Variants in NRG1 observed in about 807,000 individuals in gnomAD.
NRG1 encodes the protein neuregulin 1, also known as pro-neuregulin-1, membrane-bound isoform.
A neutral mutation model predicts 63.8 loss-of-function variants in NRG1; 18 were observed. The observed-to-expected ratio is 0.28, with a 90% CI of 0.19 to 0.42. The LOEUF (loss-of-function observed/expected upper bound fraction) is 0.42. Among genes scored for constraint, NRG1 ranks in the 10% least tolerant of loss-of-function variants. The pLI is 1.00. For missense variants in NRG1, 762 were observed against 814.7 expected (o/e 0.94, Z 0.79); for synonymous variants, 302 against 301.3 (o/e 1.00, Z -0.02).
At chr8:32,037,554 C>T (rs368780697) in intron 1 of NRG1, among the ~76,000 whole-genome samples, 18 of 152,280 alleles carry the variant, frequency 1.2e-4, no homozygotes, top group East Asian at 3.9e-4. Flanking sequence ...TTCACGATAC[C>T]GCAGCCGCCC....
At chr8:32,071,303 A>G (rs533594157) in intron 1 of NRG1, among the ~76,000 whole-genome samples, 1 of 152,342 alleles carries the variant, frequency 6.6e-6, no homozygotes, top group East Asian at 1.9e-4. Context: ...ATAATTGCAG[A>G]TTACATGATT....
chr8:32,052,124 G>A (rs1202311004), intron 1 of NRG1, among the ~76,000 whole-genome samples: 1 of 152,108 alleles, frequency 6.6e-6, no homozygotes. Flanking sequence ...AGCAGAGTCA[G>A]TAGTAAGATA....
At chr8:32,316,979 A>G (rs999885530) in intron 1 of NRG1, among the ~76,000 whole-genome samples, 1 of 152,162 alleles carries the variant, frequency 6.6e-6, no homozygotes, top group African/African-American at 2.4e-5. Context: ...CAATGAATAG[A>G]GTGGTAAGGT....
At chr8:32,285,674 A>C (rs1853433846) in intron 1 of NRG1, among the ~76,000 whole-genome samples, 1 of 152,088 alleles carries the variant, frequency 6.6e-6, no homozygotes, top group Non-Finnish European at 1.5e-5. Context: ...TTTTTGTTTC[A>C]TGTGTGTTCT....
At chr8:31,770,608 G>A (rs1356872303) in intron 1 of NRG1, among the ~76,000 whole-genome samples, 3 of 151,194 alleles carry the variant, frequency 2.0e-5, no homozygotes, top group Non-Finnish European at 4.4e-5. Context: ...CACACACCGG[G>A]GCCTGTTGTG....
chr8:32,759,326 C>G (rs1173898977), exon 10 of NRG1: 4 of 1,613,550 alleles, frequency 2.5e-6, no homozygotes, highest in Admixed American at 1.7e-5. Flanking sequence ...CTAAAAACGT[C>G]ATCTCCAGTG....
chr8:32,608,422 T>C (rs13264719), intron 3 of NRG1, among the ~76,000 whole-genome samples: 1 of 152,128 alleles, frequency 6.6e-6, no homozygotes, highest in Non-Finnish European at 1.5e-5. Flanking sequence ...TTGCCCACTG[T>C]GGAACTCCTG....
chr8:32,142,363 C>A (rs1395610912), intron 1 of NRG1, among the ~76,000 whole-genome samples: 1 of 152,166 alleles, frequency 6.6e-6, no homozygotes, highest in Admixed American at 6.5e-5. Flanking sequence ...CTTTGCTATG[C>A]TGATTTTTAG....
At chr8:32,174,842 A>G (rs1840513887) in intron 1 of NRG1, among the ~76,000 whole-genome samples, 1 of 152,208 alleles carries the variant, frequency 6.6e-6, no homozygotes, top group Non-Finnish European at 1.5e-5. Flanking sequence ...AATAATTAAT[A>G]GCTTACCAAC....
At chr8:32,361,059 C>A (rs1807136725) in intron 1 of NRG1, among the ~76,000 whole-genome samples, 1 of 152,154 alleles carries the variant, frequency 6.6e-6, no homozygotes, top group Non-Finnish European at 1.5e-5. Flanking sequence ...TCCCCTTATT[C>A]ATACGATAGA....
intron 5 of NRG1, among the ~76,000 whole-genome samples, chr8:32,716,747 T>C (rs911285508): frequency 1.3e-5 from 2 of 152,100 alleles, no homozygotes; most frequent in African/African-American, 4.8e-5. Flanking sequence ...ATAACCAAGA[T>C]GATTTCCATT....
intron 1 of NRG1, among the ~76,000 whole-genome samples, chr8:32,443,448 T>C (rs778072527): frequency 1.4e-5 from 2 of 143,270 alleles, no homozygotes; most frequent in Non-Finnish European, 2.9e-5. Context: ...GATTTTGACA[T>C]GCAAAAAGAT....
intron 1 of NRG1, among the ~76,000 whole-genome samples, chr8:31,674,422 T>G (rs1807469579): frequency 6.6e-6 from 1 of 152,206 alleles, no homozygotes; most frequent in Non-Finnish European, 1.5e-5. Flanking sequence ...TACAAGTCCC[T>G]TATTGGATAT....
intron 1 of NRG1, among the ~76,000 whole-genome samples, chr8:31,928,465 T>TC (rs1458991670): frequency 6.7e-6 from 1 of 148,752 alleles, no homozygotes; most frequent in Non-Finnish European, 1.5e-5. Flanking sequence ...TAAAGACAGA[T>TC]CAACCATTCT....
chr8:32,354,919 T>C (rs990751317), intron 1 of NRG1, among the ~76,000 whole-genome samples: 1 of 151,108 alleles, frequency 6.6e-6, no homozygotes, highest in African/African-American at 2.4e-5. Flanking sequence ...TTACAGAAAA[T>C]GGCAAATCAT....
At chr8:31,647,789 G>A (rs974356509) in intron 1 of NRG1, among the ~76,000 whole-genome samples, 1 of 152,126 alleles carries the variant, frequency 6.6e-6, no homozygotes, top group Non-Finnish European at 1.5e-5. Context: ...CATAGAGATG[G>A]GTCACATCTT....
chr8:32,728,646 A>C, intron 6 of NRG1: 1 of 985,058 alleles, frequency 1.0e-6, no homozygotes. Context: ...AATTGCATAT[A>C]TTTGGAAATA....
intron 1 of NRG1, among the ~76,000 whole-genome samples, chr8:32,344,723 C>T (rs1004846964): frequency 4.0e-5 from 6 of 149,648 alleles, no homozygotes; most frequent in Non-Finnish European, 8.9e-5. Context: ...GCTAGGATTA[C>T]AGGTGTGAGC....
intron 5 of NRG1, among the ~76,000 whole-genome samples, chr8:32,634,437 A>T (rs528876818): frequency 1.3e-5 from 2 of 152,316 alleles, no homozygotes; most frequent in African/African-American, 2.4e-5. Context: ...ACTGTTTAGT[A>T]TGTTAAATTA....
Sources: allele counts gnomAD v4.1 joint callset (sites outside exome capture counted in the v4.1 genomes callset), GRCh38; gene constraint gnomAD v4.1.1; transcripts MANE v1.5; gene names NCBI Gene and HGNC (gene_info 2026-07-23, HGNC 2026-07-21).